PRKG2: variants seen among roughly 807,000 people sequenced by gnomAD.
PRKG2 encodes cGMP-dependent protein kinase 2.
PRKG2 carries 33 observed loss-of-function variants against 97.2 expected under a neutral mutation model. The observed-to-expected ratio is 0.34, with a 90% confidence interval of 0.26 to 0.45. The LOEUF (loss-of-function observed/expected upper bound fraction) is 0.45, where lower values mean the gene tolerates loss of function less well. PRKG2 is among the 20% of genes least tolerant of loss of function. The pLI, the probability that PRKG2 is intolerant of heterozygous loss-of-function variation, is 1.00. For missense variants in PRKG2, 638 were observed against 900.0 expected (o/e 0.71, Z 3.73); for synonymous variants, 330 against 321.8 (o/e 1.03, Z -0.27).
intron 15 of PRKG2, among the ~76,000 whole-genome samples, chr4:81,106,749 G>C (rs1743383595): frequency 6.6e-6 from 1 of 152,198 alleles, no homozygotes; most frequent in South Asian, 2.1e-4. Flanking sequence ...ATTTGGAGGT[G>C]AGGCCTGTGG....
intron 6 of PRKG2, among the ~76,000 whole-genome samples, chr4:81,154,573 G>T (rs1462747872): frequency 6.8e-6 from 1 of 146,588 alleles, no homozygotes; most frequent in African/African-American, 2.8e-5. Context: ...CTGTTAGAAG[G>T]AAAACTAACA....
chr4:81,150,823 T>G (rs554821696), intron 8 of PRKG2, among the ~76,000 whole-genome samples: 1 of 152,120 alleles, frequency 6.6e-6, no homozygotes, highest in Non-Finnish European at 1.5e-5. Flanking sequence ...CATTATTATA[T>G]TGCATGAATG....
intron 6 of PRKG2, chr4:81,164,994 G>GC (rs1237691178): frequency 2.0e-5 from 3 of 152,128 alleles, no homozygotes; most frequent in Non-Finnish European, 4.4e-5. Context: ...CTGCATAACT[G>GC]CCAGGTACGT....
chr4:81,108,886 C>T (rs6817213), intron 15 of PRKG2, among the ~76,000 whole-genome samples: 23,017 of 152,096 alleles, frequency 0.15, 2,384 homozygotes, highest in African/African-American at 0.28. Context: ...GACAGAGTGA[C>T]ACCGTGTCTC....
At chr4:81,194,132 C>G (rs906047211) in intron 2 of PRKG2, among the ~76,000 whole-genome samples, 1 of 152,044 alleles carries the variant, frequency 6.6e-6, no homozygotes, top group African/African-American at 2.4e-5. Flanking sequence ...TTATAATTTC[C>G]CCAAAGAGAC....
intron 14 of PRKG2, among the ~76,000 whole-genome samples, chr4:81,128,423 T>C (rs1357163624): frequency 6.6e-6 from 1 of 152,222 alleles, no homozygotes; most frequent in African/African-American, 2.4e-5. Flanking sequence ...CTCCTCTTTG[T>C]ACCTCTGTTA....
In PRKG2 at chr4:81,092,463, A is replaced by AAG. The variant is rs1560527350; in HGVS notation, c.2127-12_2127-11insCT. 1.3e-6 allele frequency: 2 copies of AAG among 1,524,042 alleles called. No individual in the cohort carries two copies. Among genetic ancestry groups the AAG allele is most frequent in the African/African-American group, 1.5e-5 (1 of 68,596 alleles). The allele number at this position is 1,524,042 out of a possible 1,614,324, so 94.4% of individuals were successfully genotyped here. A position where few individuals can be genotyped will look rare whatever the true frequency, so the allele number is the denominator to read the frequency against. On this transcript the variant is annotated splice_polypyrimidine_tract_variant and intron_variant, in intron 17 of 18. Transcript: ENST00000264399. ...AAACCATTTAACCACCTGAGAAATGAGAAAGGAAGGAAGGAAGGAAGGAAG... is the reference window on the plus strand; with the variant it reads ...AAACCATTTAACCACCTGAGAAATGAAGGAAAGGAAGGAAGGAAGGAAGGAAG...
chr4:81,216,005 C>A (rs1754257990), upstream of PRKG2, among the ~76,000 whole-genome samples: 1 of 151,912 alleles, frequency 6.6e-6, no homozygotes, highest in Admixed American at 6.6e-5. Flanking sequence ...TTCCTTCTGC[C>A]CCCAGAGGAA....
chr4:81,113,310 C>A (rs144866275), intron 14 of PRKG2, among the ~76,000 whole-genome samples: 1 of 151,710 alleles, frequency 6.6e-6, no homozygotes, highest in Admixed American at 6.6e-5. Flanking sequence ...AAAATAGACA[C>A]CCTCCCCTTT....
intron 12 of PRKG2, among the ~76,000 whole-genome samples, chr4:81,138,993 T>A (rs112233394): frequency 0.01 from 1,530 of 152,264 alleles, 29 homozygotes; most frequent in African/African-American, 0.035. Flanking sequence ...AAAGCATAAA[T>A]TCTAGTCATT....
chr4:81,204,432 T>C (rs966010707), intron 2 of PRKG2, among the ~76,000 whole-genome samples, 155 bp downstream of exon 2: 14 of 152,098 alleles, frequency 9.2e-5, no homozygotes, highest in Non-Finnish European at 4.4e-5. Context: ...CAATGGGAGA[T>C]TTTTTTGCAA....
At chr4:81,095,299 A>G (rs1742006402) in intron 17 of PRKG2, among the ~76,000 whole-genome samples, 1 of 152,166 alleles carries the variant, frequency 6.6e-6, no homozygotes, top group African/African-American at 2.4e-5. Context: ...GCTGTTTTAT[A>G]TCCCTCCTCT....
rs1176650714 is a variant in PRKG2 at position 81,155,744 on chromosome 4, T to C, written c.913-2023A>G. Among the ~76,000 whole-genome samples, 33 of 151,846 alleles carry C rather than the reference T, an allele frequency of 2.2e-4. No homozygotes were observed. The South Asian group carries it at 6.7e-3, about 31-fold the overall frequency. ...ACAGCAGATCTCTCGGCAGAAACTC[T>C]ACAAGCCAGAAGAGAGTGGGGGCCA... On this transcript the variant is annotated intron_variant, in intron 6 of 18. Coordinates refer to ENST00000264399, the MANE Select transcript of PRKG2 (RefSeq NM_006259.3).
intron 14 of PRKG2, among the ~76,000 whole-genome samples, chr4:81,119,519 A>G (rs1744868099): frequency 6.6e-6 from 1 of 152,098 alleles, no homozygotes; most frequent in South Asian, 2.1e-4. Context: ...GTAGCTTTAT[A>G]GTATGTCTTG....
chr4:81,182,091 G>A (rs1440438731), intron 2 of PRKG2, among the ~76,000 whole-genome samples: 1 of 151,694 alleles, frequency 6.6e-6, no homozygotes, highest in African/African-American at 2.4e-5. Context: ...AAACAGGAAA[G>A]ACGAATTTTT....
intron 10 of PRKG2, 81 bp from the exon 11 acceptor site, chr4:81,143,028 GAC>G: frequency 4.2e-6 from 6 of 1,435,786 alleles, no homozygotes; most frequent in Non-Finnish European, 5.6e-6. Flanking sequence ...TCACTCCTAC[GAC>G]AGTCTAATTT....
rs570508817 is a variant in PRKG2 at position 81,153,915 on chromosome 4, G to A, written c.913-194C>T. 3.3e-5 allele frequency among the ~76,000 whole-genome samples: 5 copies of A among 152,256 alleles called. No homozygotes were observed. The East Asian group carries it at 7.8e-4, about 24-fold the overall frequency. On this transcript the variant is annotated intron_variant, in intron 6 of 18. Transcript: ENST00000264399. The stretch of plus-strand genomic sequence containing the variant: ...GCACAGGTCAGTGGGTGCGCGCACC[G>A]TGCGCGAGCCGAAGCAGGGCGAGGC...
chr4:81,175,767 A>G (rs1458313526), intron 2 of PRKG2, among the ~76,000 whole-genome samples: 1 of 152,190 alleles, frequency 6.6e-6, no homozygotes. Context: ...TTTGGAAAAG[A>G]TGTAGCTCAA....
At chr4:81,121,348 T>C (rs1745051679) in intron 14 of PRKG2, among the ~76,000 whole-genome samples, 1 of 152,156 alleles carries the variant, frequency 6.6e-6, no homozygotes, top group African/African-American at 2.4e-5. Context: ...CTGCTTTATC[T>C]TCTGAAAGAC....
Sources: allele counts gnomAD v4.1 joint callset (sites outside exome capture counted in the v4.1 genomes callset), GRCh38; gene constraint gnomAD v4.1.1; transcripts MANE v1.5; gene names NCBI Gene and HGNC (gene_info 2026-07-23, HGNC 2026-07-21).